SYT14: variants seen among roughly 807,000 people sequenced by gnomAD.
SYT14 encodes the protein synaptotagmin-14.
SYT14 carries 32 observed loss-of-function variants against 74.2 expected under a neutral mutation model. That is an observed-to-expected ratio of 0.43 (90% CI 0.33 to 0.58). The LOEUF is 0.58. Ranked by LOEUF, SYT14 falls within the 20% of genes least tolerant of loss-of-function variation. The pLI is 0.05. For missense variants in SYT14, 791 were observed against 981.8 expected (o/e 0.81, Z 2.60); for synonymous variants, 298 against 337.7 (o/e 0.88, Z 1.29).
intron 7 of SYT14, among the ~76,000 whole-genome samples, chr1:210,145,202 T>C (rs904688520): frequency 3.3e-5 from 5 of 152,170 alleles, no homozygotes; most frequent in Non-Finnish European, 5.9e-5. Flanking sequence ...ATTGCAATTT[T>C]TTGCTCAGGA....
chr1:209,973,248 A>C (rs905880848), intron 2 of SYT14, among the ~76,000 whole-genome samples: 3 of 151,928 alleles, frequency 2.0e-5, no homozygotes, highest in African/African-American at 7.2e-5. Flanking sequence ...TTTAGGGTAC[A>C]TGTGCACAAC....
At chr1:210,165,022 T>C (rs1197670942) in exon 10 of SYT14, 2 of 152,170 alleles carry the variant, frequency 1.3e-5, no homozygotes, top group African/African-American at 4.8e-5. Flanking sequence ...TCTAGCACAA[T>C]AATTTATTAC....
chr1:210,141,071 C>T (rs2082905563), intron 7 of SYT14, among the ~76,000 whole-genome samples: 1 of 150,412 alleles, frequency 6.6e-6, no homozygotes, highest in Non-Finnish European at 1.5e-5. Flanking sequence ...AAAAGAAGGC[C>T]ATAGCAATTT....
chr1:209,975,937 T>C (rs1185430966), intron 2 of SYT14, among the ~76,000 whole-genome samples: 1 of 152,068 alleles, frequency 6.6e-6, no homozygotes, highest in Non-Finnish European at 1.5e-5. Flanking sequence ...CTTGGGAGGG[T>C]GTATGTGTCG....
At chr1:210,091,874 A>G (rs1233795626) in intron 5 of SYT14, among the ~76,000 whole-genome samples, 1 of 152,194 alleles carries the variant, frequency 6.6e-6, no homozygotes, top group Non-Finnish European at 1.5e-5. Flanking sequence ...CATGTGACCC[A>G]GGTCTGTGCA....
Sources: allele counts gnomAD v4.1 joint callset (sites outside exome capture counted in the v4.1 genomes callset), GRCh38; gene constraint gnomAD v4.1.1; transcripts MANE v1.5; gene names NCBI Gene and HGNC (gene_info 2026-07-23, HGNC 2026-07-21).